Variants in HDAC1 observed in about 807,000 individuals in gnomAD.
The protein encoded by HDAC1 is histone deacetylase 1.
HDAC1 carries 18 observed loss-of-function variants against 65.5 expected under a neutral mutation model. That is an observed-to-expected ratio of 0.27 (90% CI 0.19 to 0.41). HDAC1 has a LOEUF of 0.41. Ranked by LOEUF, HDAC1 falls within the 10% of genes least tolerant of loss-of-function variation. HDAC1 has a pLI of 1.00. For synonymous variants in HDAC1, 211 were observed against 227.9 expected (o/e 0.93, Z 0.67); for missense variants, 373 against 625.2 (o/e 0.60, Z 4.30).
At chr1:32,298,515 C>T (rs953493504) in intron 1 of HDAC1, among the ~76,000 whole-genome samples, 2 of 152,100 alleles carry the variant, frequency 1.3e-5, no homozygotes, top group Non-Finnish European at 2.9e-5. Flanking sequence ...TAGGCCCAGC[C>T]GGGAATAGAC....
intron 3 of HDAC1, among the ~76,000 whole-genome samples, chr1:32,322,878 T>A (rs1641166917): frequency 6.6e-6 from 1 of 152,224 alleles, no homozygotes; most frequent in African/African-American, 2.4e-5. Flanking sequence ...TCTCGGTATC[T>A]GTTTGTTCCT....
At chr1:32,307,404 A>G (rs1027257282) in intron 2 of HDAC1, among the ~76,000 whole-genome samples, 2 of 152,126 alleles carry the variant, frequency 1.3e-5, no homozygotes, top group African/African-American at 4.8e-5. Context: ...TGCCAGCATC[A>G]CTACTCGTGG....
intron 1 of HDAC1, among the ~76,000 whole-genome samples, chr1:32,293,222 A>C (rs1328781092): frequency 2.0e-5 from 3 of 151,704 alleles, no homozygotes; most frequent in Non-Finnish European, 2.9e-5. Context: ...CTGGAGCCTA[A>C]GGCAGGAGAA....
chr1:32,327,175 C>A lies in HDAC1; in HGVS notation c.494+98C>A. 3 of 1,254,232 alleles carry A rather than the reference C, an allele frequency of 2.4e-6. No homozygotes were observed. The highest frequency in any genetic ancestry group is 2.3e-5 in the East Asian group (1 of 42,798). The allele number at this position is 1,254,232 out of a possible 1,614,324, so 77.7% of individuals were successfully genotyped here. A position where few individuals can be genotyped will look rare whatever the true frequency, so the allele number is the denominator to read the frequency against. On this transcript the variant is annotated intron_variant, in intron 5 of 13. Transcript: ENST00000373548. This position sits in a 1 kb window ranked among gnomAD's most constrained non-coding sequence, Gnocchi z 6.0. ...TGCCTCCCTAGTTTGCTTTTCCTAC[C>A]GATGTGCTGGCTAGGATGTGCTCGG...
chr1:32,327,435 T>TA lies in HDAC1; in HGVS notation c.495-100dup. On this transcript the variant is annotated intron_variant, in intron 5 of 13. Coordinates refer to ENST00000373548, the MANE Select transcript of HDAC1 (RefSeq NM_004964.3). This position sits in a 1 kb window ranked among gnomAD's most constrained non-coding sequence, Gnocchi z 6.0. ...TTTCCACGTCTCTGGTGCTTAGAGA[T>TA]ACCTGAGGGAGGCAGCCAGCCCGGT... 4 of 873,704 alleles carry TA rather than the reference T, an allele frequency of 4.6e-6. No individual in the cohort carries two copies. Among genetic ancestry groups the TA allele is most frequent in the Non-Finnish European group, 7.5e-6 (4 of 530,920 alleles). The allele number at this position is 873,704 out of a possible 1,614,324, so 54.1% of individuals were successfully genotyped here.
At chr1:32,301,543 G>A (rs974703713) in intron 1 of HDAC1, among the ~76,000 whole-genome samples, 4 of 152,196 alleles carry the variant, frequency 2.6e-5, no homozygotes, top group African/African-American at 9.6e-5. Context: ...GCCGAGGTGA[G>A]TGGATCAACT....
At chr1:32,299,184 G>A (rs1174749142) in intron 1 of HDAC1, among the ~76,000 whole-genome samples, 2 of 152,066 alleles carry the variant, frequency 1.3e-5, no homozygotes, top group African/African-American at 4.8e-5. Context: ...CTAAGGAAGT[G>A]GACAGTGTCC....
At chr1:32,312,480 C>T (rs962657427) in intron 2 of HDAC1, among the ~76,000 whole-genome samples, 1 of 151,500 alleles carries the variant, frequency 6.6e-6, no homozygotes, top group African/African-American at 2.4e-5. Flanking sequence ...TTGCCTCAGC[C>T]TCCCGAGTAG....
In HDAC1 at chr1:32,302,684, C is replaced by T; in HGVS notation, c.113C>T (p.Thr38Ile). 1 of 1,608,186 alleles carries T rather than the reference C, an allele frequency of 6.2e-7. No individual in the cohort carries two copies. The highest frequency in any genetic ancestry group is 8.5e-7 in the Non-Finnish European group (1 of 1,174,550). Residue 38 changes from threonine to isoleucine, a missense_variant, in exon 2 of 14, where the codon ACT becomes ATT. By Grantham distance (89) the Thr-to-Ile change is moderately conservative (BLOSUM62 -1). Transcript: ENST00000373548. ...HPMKPHRIRM[T>I]HNLLLNYGLY... The stretch of plus-strand genomic sequence containing the variant: ...ATGAAGCCTCACCGAATCCGCATGA[C>T]TCATAATTTGCTGCTCAACTATGGT...
intron 2 of HDAC1, among the ~76,000 whole-genome samples, chr1:32,306,098 A>T (rs903375820): frequency 2.0e-5 from 3 of 151,900 alleles, no homozygotes; most frequent in Non-Finnish European, 4.4e-5. Flanking sequence ...TATTATAGTA[A>T]GTCTTGTTAT....
Position 32,330,972 on chromosome 1 carries a change from T to C in HDAC1, c.979+64T>C. On this transcript the variant is annotated intron_variant, in intron 9 of 13. Transcript: ENST00000373548. This position sits in a 1 kb window ranked among gnomAD's most constrained non-coding sequence, Gnocchi z 4.2. ...GAGCTGGAGCTCATCTGTCCTTAAG[T>C]TTATAACCCCTTCCCCGTTGGTCAT... The C allele has an allele frequency of 1.3e-6, 2 of 1,525,252 alleles. No homozygotes were observed. Among genetic ancestry groups the C allele is most frequent in the Non-Finnish European group, 1.8e-6 (2 of 1,101,724 alleles). The allele number at this position is 1,525,252 out of a possible 1,614,324, so 94.5% of individuals were successfully genotyped here.
At chr1:32,301,794 A>C (rs1344475178) in intron 1 of HDAC1, among the ~76,000 whole-genome samples, 1 of 152,194 alleles carries the variant, frequency 6.6e-6, no homozygotes, top group Non-Finnish European at 1.5e-5. Context: ...CTTGAATGCC[A>C]GTCTTCTGAA....
rs1641285475 is a variant in HDAC1, at chr1:32,331,107, TC to T, written c.979+202del. ...TAGTCCTTTTTAGCTCTCTCCCCTCTCCCTCCTGCTTTTGGTCTGGACAAAG... is the reference window on the plus strand; with the variant it reads ...TAGTCCTTTTTAGCTCTCTCCCCTCTCCTCCTGCTTTTGGTCTGGACAAAG... On this transcript the variant is annotated intron_variant, in intron 9 of 13. Transcript: ENST00000373548. This position sits in a 1 kb window ranked among gnomAD's most constrained non-coding sequence, Gnocchi z 4.2. 6.6e-6 allele frequency among the ~76,000 whole-genome samples: 1 copy of T among 152,152 alleles called. No individual in the cohort carries two copies. Among genetic ancestry groups the T allele is most frequent in the South Asian group, 2.1e-4 (1 of 4,818 alleles).
chr1:32,331,665 A>G lies in HDAC1; in HGVS notation c.1089-11A>G. The stretch of plus-strand genomic sequence containing the variant: ...GACCAGAGCCCTGCTACTCTCTCCC[A>G]TTGGCCACAGACAGCGACTGTTTGA... On this transcript the variant is annotated splice_polypyrimidine_tract_variant and intron_variant, in intron 10 of 13. Coordinates refer to ENST00000373548, the MANE Select transcript of HDAC1 (RefSeq NM_004964.3). The surrounding 1 kb of genome is among the most constrained non-coding windows in gnomAD (Gnocchi z 4.2). 6.2e-7 allele frequency: 1 copy of G among 1,613,380 alleles called. No individual in the cohort carries two copies. The highest frequency in any genetic ancestry group is 1.7e-5 in the Admixed American group (1 of 59,982).
Position 32,324,462 on chromosome 1 carries a change from T to G in HDAC1, c.281-17T>G. Reference sequence around the variant, plus strand: ...AAGGAAATTGTGGAAACTAACCTTTTGCTTATTTCTTTCAAGTCAACGTTG... The same window carrying G: ...AAGGAAATTGTGGAAACTAACCTTTGGCTTATTTCTTTCAAGTCAACGTTG... On this transcript the variant is annotated splice_polypyrimidine_tract_variant and intron_variant, in intron 3 of 13. Coordinates refer to ENST00000373548, the MANE Select transcript of HDAC1 (RefSeq NM_004964.3). 3 of 1,581,392 alleles carry G rather than the reference T, an allele frequency of 1.9e-6. No individual in the cohort carries two copies. Among genetic ancestry groups the G allele is most frequent in the Non-Finnish European group, 2.6e-6 (3 of 1,150,758 alleles).
In HDAC1 at chr1:32,301,832, G is replaced by A. The variant is rs577585476; in HGVS notation, c.50-789G>A. 1.0e-3 allele frequency among the ~76,000 whole-genome samples: 158 copies of A among 152,302 alleles called. 7 individuals are homozygous for A. The South Asian group carries it at 0.032, about 31-fold the overall frequency. ...TATTATTATTAAATGTTGAGACCCA[G>A]CCTGGTCTTGAACTCCTGGGCTCAA... On this transcript the variant is annotated intron_variant, in intron 1 of 13. Coordinates refer to ENST00000373548, the MANE Select transcript of HDAC1 (RefSeq NM_004964.3).
Position 32,333,241 on chromosome 1 carries a change from A to C in HDAC1, c.*197A>C, listed in dbSNP as rs1457048390. On this transcript the variant is annotated 3_prime_UTR_variant, in exon 14 of 14. Coordinates refer to ENST00000373548, the MANE Select transcript of HDAC1 (RefSeq NM_004964.3). ...TCTTCCAGGAGCCACCTTGCCACCC[A>C]TTCTTCCCGTTCTTAACTTTGAACC... 2.1e-6 allele frequency: 1 copy of C among 477,898 alleles called. No homozygotes were observed. The highest frequency in any genetic ancestry group is 3.7e-6 in the Non-Finnish European group (1 of 269,444). The allele number at this position is 477,898 out of a possible 1,614,324, so 29.6% of individuals were successfully genotyped here. A position where few individuals can be genotyped will look rare whatever the true frequency, so the allele number is the denominator to read the frequency against.
Position 32,301,482 on chromosome 1 carries a change from A to G in HDAC1, c.50-1139A>G, listed in dbSNP as rs576023102. On this transcript the variant is annotated intron_variant, in intron 1 of 13. Coordinates refer to ENST00000373548, the MANE Select transcript of HDAC1 (RefSeq NM_004964.3). ...TAAATAAAGTAAAAGAAAGTCCTTG[A>G]ATGCTGGCCAGGCGCGGTGGCTCAC... Among the ~76,000 whole-genome samples the G allele has an allele frequency of 6.5e-5, 9 of 138,512 alleles. No homozygotes were observed. In the East Asian group the frequency reaches 2.1e-3, roughly 32 times the overall value. The allele number at this position is 138,512 out of a possible 152,430, so 90.9% of individuals were successfully genotyped here.
At chr1:32,308,372 C>T (rs543874406) in intron 2 of HDAC1, among the ~76,000 whole-genome samples, 4 of 152,138 alleles carry the variant, frequency 2.6e-5, no homozygotes, top group Non-Finnish European at 5.9e-5. Context: ...GAGAGCAGTA[C>T]TTTAACGTTT....
Sources: gnomAD v4.1 joint callset for allele counts (sites outside exome capture counted in the v4.1 genomes callset) on GRCh38, gnomAD v4.1.1 for gene constraint, Gnocchi (gnomAD v3.1) non-coding constraint, MANE v1.5 for transcripts, NCBI Gene and HGNC (gene_info 2026-07-23, HGNC 2026-07-21) for gene names.